ARHGAP6: variants seen among roughly 807,000 people sequenced by gnomAD.
ARHGAP6 encodes the protein rho GTPase-activating protein 6.
A neutral mutation model predicts 55.7 loss-of-function variants in ARHGAP6; 16 were observed. The ratio of observed to expected loss-of-function variants is 0.29; its 90% confidence interval spans 0.19 to 0.44. The LOEUF (loss-of-function observed/expected upper bound fraction) is 0.44, where lower values mean the gene tolerates loss of function less well. Ranked by LOEUF, ARHGAP6 falls within the 20% of genes least tolerant of loss-of-function variation. The pLI is 1.00. For missense variants in ARHGAP6, 698 were observed against 808.9 expected (o/e 0.86, Z 1.66); for synonymous variants, 382 against 360.9 (o/e 1.06, Z -0.66).
At chrX:11,220,206 C>T (rs1173709914) in intron 2 of ARHGAP6, among the ~76,000 whole-genome samples, 6 of 110,731 alleles carry the variant, frequency 5.4e-5, no homozygotes, top group Admixed American at 9.7e-5. Flanking sequence ...TGTAGATATG[C>T]GGCCTTATTT....
intron 2 of ARHGAP6, among the ~76,000 whole-genome samples, chrX:11,249,804 G>A (rs1340770996): frequency 1.8e-5 from 2 of 111,147 alleles, no homozygotes; most frequent in African/African-American, 6.5e-5. Flanking sequence ...ATCTGTCAGA[G>A]ATAATTCTAT....
intron 1 of ARHGAP6, among the ~76,000 whole-genome samples, chrX:11,604,793 AGCTG>A (rs932490105): frequency 1.8e-5 from 2 of 112,457 alleles, no homozygotes; most frequent in African/African-American, 6.5e-5. Context: ...TGGAGGCCTC[AGCTG>A]ACTCAACAAG....
chrX:11,234,480 C>T (rs1348969414), intron 2 of ARHGAP6, among the ~76,000 whole-genome samples: 2 of 112,502 alleles, frequency 1.8e-5, no homozygotes, highest in Non-Finnish European at 3.8e-5. Flanking sequence ...CATGACTGTG[C>T]TCAAATATCA....
Position 11,254,659 on chromosome X carries a change from A to G in ARHGAP6, c.637T>C (p.Ser213Pro), listed in dbSNP as rs746802909. The stretch of plus-strand genomic sequence containing the variant: ...TCTGAGAGACTCTGGATGGGGACTG[A>G]CCTCAGCCGTACACTGCGGCCTGAC... ...SMSGRSVRLRSVPIQSLSELE... is the reference protein window; with the variant it reads ...SMSGRSVRLRPVPIQSLSELE... Residue 213 changes from serine (S) to proline (P), a missense_variant, in exon 2 of 13, where the codon TCA (serine) becomes CCA (proline). This residue lies in a region of ARHGAP6 where 322 missense variants were observed against 451.1 expected (regional missense o/e 0.71). Transcript: ENST00000337414. The G allele has an allele frequency of 5.1e-5, 61 of 1,199,864 alleles. No homozygotes were observed. Among genetic ancestry groups the G allele is most frequent in the Non-Finnish European group, 6.7e-5 (60 of 892,722 alleles).
chrX:11,467,330 T>C (rs895829075), intron 1 of ARHGAP6, among the ~76,000 whole-genome samples: 11 of 110,497 alleles, frequency 1.0e-4, no homozygotes, highest in Middle Eastern at 4.2e-3. Flanking sequence ...CATGGCTCAC[T>C]GCACTCCAGC....
chrX:11,219,044 C>A (rs2046923862), intron 2 of ARHGAP6, among the ~76,000 whole-genome samples: 2 of 75,217 alleles, frequency 2.7e-5, no homozygotes, highest in Non-Finnish European at 5.0e-5. Flanking sequence ...CCCCTCCCCC[C>A]ACCCCACAAC....
intron 1 of ARHGAP6, among the ~76,000 whole-genome samples, chrX:11,501,694 C>T (rs1160069273): frequency 9.0e-6 from 1 of 111,390 alleles, no homozygotes; most frequent in Non-Finnish European, 1.9e-5. Flanking sequence ...GTATTATATA[C>T]CGTATTCTTA....
chrX:11,193,842 AT>A lies in ARHGAP6; in HGVS notation c.820+3082del, dbSNP rs370435968. On this transcript the variant is annotated intron_variant, in intron 3 of 12. Coordinates refer to ENST00000337414, the MANE Select transcript of ARHGAP6 (RefSeq NM_013427.3). The stretch of plus-strand genomic sequence containing the variant: ...AAATTCTTGCTTCCTGCTGCTTTGT[AT>A]ATATAATACATGCAAGCAAACATAC... Among the ~76,000 whole-genome samples the A allele has an allele frequency of 5.8e-4, 65 of 112,729 alleles. 1 individual carries two copies. The highest frequency in any genetic ancestry group is 1.8e-3 in the African/African-American group (55 of 31,060).
At chrX:11,335,670 T>G in intron 1 of ARHGAP6, 1 of 298,121 alleles carries the variant, frequency 3.4e-6, no homozygotes, top group Non-Finnish European at 6.3e-6. Context: ...TCTAAATTTT[T>G]TATGGTAATC....
At chrX:11,574,003 C>T (rs1022617466) in intron 1 of ARHGAP6, among the ~76,000 whole-genome samples, 2 of 111,367 alleles carry the variant, frequency 1.8e-5, no homozygotes, top group Non-Finnish European at 3.8e-5. Flanking sequence ...TCGACACATA[C>T]ACCCTCCCAA....
intron 1 of ARHGAP6, among the ~76,000 whole-genome samples, chrX:11,629,652 C>A (rs2052339060): frequency 9.1e-6 from 1 of 110,352 alleles, no homozygotes; most frequent in Admixed American, 9.7e-5. Flanking sequence ...AGCACATACT[C>A]CCACGAATTG....
chrX:11,395,822 T>A (rs764279822), intron 1 of ARHGAP6, among the ~76,000 whole-genome samples: 1 of 112,264 alleles, frequency 8.9e-6, no homozygotes, highest in Non-Finnish European at 1.9e-5. Context: ...CATAACTATT[T>A]CCCTTGTCAC....
intron 1 of ARHGAP6, among the ~76,000 whole-genome samples, chrX:11,568,878 T>G (rs2147103811): frequency 8.9e-6 from 1 of 112,334 alleles, no homozygotes; most frequent in East Asian, 2.8e-4. Flanking sequence ...AAACTTACTC[T>G]TTCCTTACAT....
chrX:11,349,412 C>G (rs1261345868), intron 1 of ARHGAP6, among the ~76,000 whole-genome samples: 2 of 111,221 alleles, frequency 1.8e-5, no homozygotes, highest in African/African-American at 6.6e-5. Flanking sequence ...CTTTGGCCCT[C>G]TAGAAATAAA....
Position 11,557,376 on chromosome X carries a change from C to A in ARHGAP6, c.588+106865G>T, listed in dbSNP as rs963020258. ...AAATACTAAGAGTTTGTATGAGTAACAAATGACACCAACAGGCTGCACGTT... is the reference window on the plus strand; with the variant it reads ...AAATACTAAGAGTTTGTATGAGTAAAAAATGACACCAACAGGCTGCACGTT... On this transcript the variant is annotated intron_variant, in intron 1 of 12. Transcript: ENST00000337414. Among the ~76,000 whole-genome samples, 9 of 110,980 alleles carry A rather than the reference C, an allele frequency of 8.1e-5. No homozygotes were observed. The Admixed American group carries it at 8.6e-4, about 11-fold the overall frequency.
intron 1 of ARHGAP6, among the ~76,000 whole-genome samples, chrX:11,356,513 T>C (rs915326746): frequency 8.9e-6 from 1 of 112,235 alleles, no homozygotes; most frequent in Non-Finnish European, 1.9e-5. Flanking sequence ...CTAGGATATA[T>C]GACCTCAACC....
intron 1 of ARHGAP6, among the ~76,000 whole-genome samples, chrX:11,419,411 A>G (rs758228083): frequency 8.9e-6 from 1 of 112,369 alleles, no homozygotes; most frequent in South Asian, 3.7e-4. Flanking sequence ...AAAAGTTAAG[A>G]CCGTGTTTTG....
rs747436602 is a variant in ARHGAP6, at chrX:11,276,603, T to G, written c.589-21896A>C. On this transcript the variant is annotated intron_variant, in intron 1 of 12. Transcript: ENST00000337414. ...AAAATTGAAAAGGGAGAAACCAACA[T>G]GAAGTATGACACCAAATGCAGGTAT... is the stretch of plus-strand genomic sequence containing the variant. Among the ~76,000 whole-genome samples the G allele has an allele frequency of 2.7e-5, 3 of 111,916 alleles. No homozygotes were observed. In the Admixed American group the frequency reaches 2.8e-4, roughly 11 times the overall value.
intron 1 of ARHGAP6, among the ~76,000 whole-genome samples, chrX:11,281,442 T>A (rs1246723036): frequency 9.1e-6 from 1 of 109,440 alleles, no homozygotes; most frequent in African/African-American, 3.3e-5. Context: ...ATATAATTAA[T>A]TTTATTATAT....
Sources: allele counts gnomAD v4.1 joint callset (sites outside exome capture counted in the v4.1 genomes callset), GRCh38; gene constraint gnomAD v4.1.1; regional missense constraint gnomAD v4.1.1; transcripts MANE v1.5; gene names NCBI Gene and HGNC (gene_info 2026-07-23, HGNC 2026-07-21).